The following CNTN6 variants were observed in gnomAD, a reference collection of about 807,000 sequenced individuals.
The protein encoded by CNTN6 is contactin 6, also known as contactin-6.
CNTN6 carries 137 observed loss-of-function variants against 122.8 expected under a neutral mutation model. The observed-to-expected ratio is 1.12, with a 90% CI of 0.97 to 1.29. CNTN6 has a LOEUF of 1.29. Among genes scored for constraint, CNTN6 ranks in the 50% most tolerant of loss-of-function variants. The pLI is 0.00. For synonymous variants in CNTN6, 570 were observed against 426.0 expected, an observed-to-expected ratio of 1.34 and a Z score of -4.16; for missense variants, 1,634 against 1,223.4, an observed-to-expected ratio of 1.34 and a Z score of -5.01.
At chr3:1,394,720 C>T (rs1168324352) in intron 20 of CNTN6, among the ~76,000 whole-genome samples, 1 of 152,052 alleles carries the variant, frequency 6.6e-6, no homozygotes, top group Admixed American at 6.6e-5. Flanking sequence ...GAAACAAATC[C>T]TTGTTTTTGA....
chr3:1,373,070 GAT>G (rs546114147), intron 14 of CNTN6, 115 bp downstream of exon 14: 204 of 645,742 alleles, frequency 3.2e-4, no homozygotes, highest in Admixed American at 7.4e-4. Flanking sequence ...GATGTAATCA[GAT>G]AGAGTTTTAT....
At chr3:1,287,800 G>A (rs1694602641) in intron 5 of CNTN6, among the ~76,000 whole-genome samples, 2 of 152,136 alleles carry the variant, frequency 1.3e-5, no homozygotes, top group Admixed American at 6.5e-5. Flanking sequence ...GCAACTTCTA[G>A]AAGCTACCCA....
chr3:1,133,680 A>G (rs1366052759), intron 1 of CNTN6, among the ~76,000 whole-genome samples: 1 of 152,194 alleles, frequency 6.6e-6, no homozygotes, highest in African/African-American at 2.4e-5. Flanking sequence ...GTAGACTGAC[A>G]AAGTCAATGC....
At chr3:1,109,811 C>T (rs903187646) in intron 1 of CNTN6, among the ~76,000 whole-genome samples, 5 of 151,998 alleles carry the variant, frequency 3.3e-5, no homozygotes, top group Non-Finnish European at 2.9e-5. Flanking sequence ...TGTATACAAC[C>T]TTATTAGCTT....
At position 1,160,344 on chromosome 3, in the gene CNTN6, G is replaced by GTATATATA. The variant is rs56703431; in HGVS notation, c.55+12298_55+12305dup. Among the ~76,000 whole-genome samples the GTATATATA allele has an allele frequency of 2.0e-3, 221 of 111,120 alleles. 8 individuals carry two copies. The highest frequency in any genetic ancestry group is 0.015 in the East Asian group (52 of 3,490). The allele number at this position is 111,120 out of a possible 152,430, so 72.9% of individuals were successfully genotyped here. On this transcript the variant is annotated intron_variant, in intron 2 of 22. Transcript: ENST00000446702. ...TCTCATCACACAATTTACTTTTACT[G>GTATATATA]TATATATATATATATATATATATAC...
intron 5 of CNTN6, among the ~76,000 whole-genome samples, chr3:1,291,115 C>G (rs936831490): frequency 6.6e-6 from 1 of 152,296 alleles, no homozygotes; most frequent in Non-Finnish European, 1.5e-5. Flanking sequence ...GGTTCAAGCC[C>G]TGCTCCTCCC....
At chr3:1,148,599 G>A (rs561406508) in intron 2 of CNTN6, among the ~76,000 whole-genome samples, 6 of 152,146 alleles carry the variant, frequency 3.9e-5, no homozygotes, top group Admixed American at 2.6e-4. Context: ...TAAAAGAATA[G>A]ACAAGAACAT....
Position 1,402,312 on chromosome 3 carries a change from A to G in CNTN6, c.2818-6A>G, listed in dbSNP as rs764020613. 3 of 1,602,312 alleles carry G rather than the reference A, an allele frequency of 1.9e-6. No homozygotes were observed. Among genetic ancestry groups the G allele is most frequent in the Non-Finnish European group, 2.6e-6 (3 of 1,173,292 alleles). ...CCATGTTAACTTGATACCTCATTTT[A>G]TTCAGATTCTGTACCGGCAAAACAG... On this transcript the variant is annotated splice_region_variant and splice_polypyrimidine_tract_variant and intron_variant, in intron 21 of 22. Coordinates refer to ENST00000446702, the MANE Select transcript of CNTN6 (RefSeq NM_001289080.2).
chr3:1,226,563 A>G (rs1359180231), intron 3 of CNTN6, among the ~76,000 whole-genome samples: 1 of 152,156 alleles, frequency 6.6e-6, no homozygotes, highest in Non-Finnish European at 1.5e-5. Context: ...AGAGAAATCA[A>G]GAAGAATTGG....
At position 1,387,870 on chromosome 3, in the gene CNTN6, G is replaced by A. The variant is rs546969717; in HGVS notation, c.2704+2073G>A. Among the ~76,000 whole-genome samples the A allele has an allele frequency of 7.6e-3, 1,160 of 152,272 alleles. 18 individuals are homozygous for A. The highest frequency in any genetic ancestry group is 0.025 in the African/African-American group (1,045 of 41,550). ...TTTTCGGACCAGCTTAAAAAACGGC[G>A]CACCACGAGATTATATCCTGCACCC... On this transcript the variant is annotated intron_variant, in intron 20 of 22. Coordinates refer to ENST00000446702, the MANE Select transcript of CNTN6 (RefSeq NM_001289080.2).
chr3:1,384,308 G>A (rs1338220592), intron 19 of CNTN6, among the ~76,000 whole-genome samples: 1 of 149,422 alleles, frequency 6.7e-6, no homozygotes, highest in Non-Finnish European at 1.5e-5. Flanking sequence ...CCCTTGGTAA[G>A]AGGTGAAGTC....
Position 1,295,712 on chromosome 3 carries a change from C to T in CNTN6, c.566C>T (p.Ser189Leu). The T allele has an allele frequency of 6.2e-7, 1 of 1,614,042 alleles. No individual in the cohort carries two copies. Among genetic ancestry groups the T allele is most frequent in the Non-Finnish European group, 8.5e-7 (1 of 1,179,938 alleles). The change falls in exon 6 of 23, where the codon TCA becomes TTA. Residue 189 changes from serine to leucine, a missense_variant. Transcript: ENST00000446702. ...GNLYIAKVEP[S>L]DVGNYTCFIT... ...TTGTACATTGCCAAAGTGGAACCAT[C>T]AGATGTGGGCAACTACACTTGCTTT... is the stretch of plus-strand genomic sequence containing the variant.
intron 2 of CNTN6, among the ~76,000 whole-genome samples, chr3:1,215,533 C>T (rs920087359): frequency 1.3e-5 from 2 of 152,042 alleles, no homozygotes; most frequent in African/African-American, 4.8e-5. Context: ...GTTCTATTGT[C>T]TGTGTATTTT....
Position 1,295,796 on chromosome 3 carries a change from G to C in CNTN6, c.650G>C (p.Arg217Pro). 6.2e-7 allele frequency: 1 copy of C among 1,613,114 alleles called. No individual in the cohort carries two copies. Among genetic ancestry groups the C allele is most frequent in the South Asian group, 1.1e-5 (1 of 91,044 alleles). Residue 217 changes from arginine to proline, a missense_variant, in exon 6 of 23, where the codon CGC (arginine) becomes CCC (proline). Coordinates refer to ENST00000446702, the MANE Select transcript of CNTN6 (RefSeq NM_001289080.2). The part of the protein sequence containing the change: ...VQGPPTPLVQ[R>P]TDGVMGEYEP... ...GGTCCACCCACTCCATTAGTGCAGC[G>C]CACTGATGGTAAGATAATGAGTTAT...
rs569001522 is a variant in CNTN6, at chr3:1,255,886, G to A, written c.359-22527G>A. ...TTTAGTTTTAGTTTTATTGTTTTTT[G>A]AGACAGAGTCTCGCTCTGTCATCCA... On this transcript the variant is annotated intron_variant, in intron 4 of 22. Transcript: ENST00000446702. Among the ~76,000 whole-genome samples, 42 of 151,624 alleles carry A rather than the reference G, an allele frequency of 2.8e-4. No homozygotes were observed. In the South Asian group the frequency reaches 8.4e-3, roughly 30 times the overall value.
chr3:1,276,507 C>T (rs942705664), intron 4 of CNTN6, among the ~76,000 whole-genome samples: 5 of 152,148 alleles, frequency 3.3e-5, no homozygotes, highest in Non-Finnish European at 7.3e-5. Flanking sequence ...ACATAGCTCA[C>T]GATATGCTGC....
At chr3:1,381,036 CTCT>C (rs1257468617) in intron 17 of CNTN6, among the ~76,000 whole-genome samples, 4 of 152,132 alleles carry the variant, frequency 2.6e-5, no homozygotes, top group Non-Finnish European at 4.4e-5. Flanking sequence ...CTAAATAAGT[CTCT>C]TTTTTCCCCT....
intron 4 of CNTN6, among the ~76,000 whole-genome samples, chr3:1,232,701 C>T (rs1028318535): frequency 6.6e-6 from 1 of 152,152 alleles, no homozygotes; most frequent in South Asian, 2.1e-4. Flanking sequence ...AGTCCTACCA[C>T]CTACTGCACT....
intron 20 of CNTN6, among the ~76,000 whole-genome samples, chr3:1,388,669 A>AT (rs1693583225): frequency 6.9e-6 from 1 of 145,790 alleles, no homozygotes; most frequent in African/African-American, 2.5e-5. Flanking sequence ...CTTTGAAAAA[A>AT]ATTTAGAAGA....
Sources: gnomAD v4.1 joint callset for allele counts (sites outside exome capture counted in the v4.1 genomes callset) on GRCh38, gnomAD v4.1.1 for gene constraint, MANE v1.5 for transcripts, NCBI Gene and HGNC (gene_info 2026-07-23, HGNC 2026-07-21) for gene names.